The following DYNC2I1 variants were observed in gnomAD, a reference collection of about 807,000 sequenced individuals.
DYNC2I1 encodes cytoplasmic dynein 2 intermediate chain 1.
A neutral mutation model predicts 133.4 loss-of-function variants in DYNC2I1; 89 were observed. The observed-to-expected ratio is 0.67, with a 90% CI of 0.56 to 0.80. The LOEUF (loss-of-function observed/expected upper bound fraction) is 0.80, where lower values mean the gene tolerates loss of function less well. DYNC2I1 is among the 30% of genes least tolerant of loss of function. The pLI, the probability that DYNC2I1 is intolerant of heterozygous loss-of-function variation, is 0.00. For synonymous variants in DYNC2I1, 504 were observed against 484.3 expected, an observed-to-expected ratio of 1.04 and a Z score of -0.54; for missense variants, 1,291 against 1,314.5, an observed-to-expected ratio of 0.98 and a Z score of 0.28.
At position 158,865,085 on chromosome 7, in the gene DYNC2I1, G is replaced by A. The variant is rs114154061; in HGVS notation, c.16-4770G>A. 4.1e-3 allele frequency among the ~76,000 whole-genome samples: 622 copies of A among 152,276 alleles called. 10 individuals are homozygous for A. Among genetic ancestry groups the A allele is most frequent in the African/African-American group, 0.014 (568 of 41,520 alleles). ...GAAGCCCTCACACCCACTCGTAGTG[G>A]GGGTCGGACAAGATGGCACAGGGGT... is the stretch of plus-strand genomic sequence containing the variant. On this transcript the variant is annotated intron_variant, in intron 1 of 24. Transcript: ENST00000407559.
At chr7:158,938,735 GAC>G (rs1314290142) in intron 23 of DYNC2I1, among the ~76,000 whole-genome samples, 1 of 151,994 alleles carries the variant, frequency 6.6e-6, no homozygotes, top group Non-Finnish European at 1.5e-5. Flanking sequence ...CAGTCTGGGT[GAC>G]AGAGTGAAAC....
rs1259230058 is a variant in DYNC2I1, at chr7:158,896,985, C to CTT, written c.1060-4739_1060-4738dup. Among the ~76,000 whole-genome samples, 386 of 131,202 alleles carry CTT rather than the reference C, an allele frequency of 2.9e-3. 2 individuals carry two copies. Among genetic ancestry groups the CTT allele is most frequent in the African/African-American group, 9.7e-3 (343 of 35,364 alleles). The allele number at this position is 131,202 out of a possible 152,430, so 86.1% of individuals were successfully genotyped here. A position where few individuals can be genotyped will look rare whatever the true frequency, so the allele number is the denominator to read the frequency against. ...GAGAGTGTAAAGAATTGTATAATTT[C>CTT]TTTTTTTTTTTTTTTTGAGACAGAG... On this transcript the variant is annotated intron_variant, in intron 8 of 24. Transcript: ENST00000407559.
At chr7:158,870,751 T>G (rs1419400410) in intron 2 of DYNC2I1, among the ~76,000 whole-genome samples, 1 of 152,184 alleles carries the variant, frequency 6.6e-6, no homozygotes, top group Non-Finnish European at 1.5e-5. Context: ...GCATATCTTG[T>G]GGAGTGGTGA....
intron 17 of DYNC2I1, among the ~76,000 whole-genome samples, chr7:158,925,360 C>G (rs1004506231): frequency 9.2e-5 from 14 of 152,126 alleles, no homozygotes; most frequent in African/African-American, 3.4e-4. Flanking sequence ...ATTTCTGATT[C>G]CCGGTGTTTT....
intron 19 of DYNC2I1, 89 bp downstream of exon 19, chr7:158,926,552 C>G (rs1199668376): frequency 7.1e-7 from 1 of 1,413,778 alleles, no homozygotes; most frequent in Non-Finnish European, 9.8e-7. Context: ...GGGGCGGGAC[C>G]CAGTTAGCTG....
rs1216729521 is a variant in DYNC2I1, at chr7:158,871,656, C to G, written c.490+94C>G. 6.8e-6 allele frequency: 9 copies of G among 1,325,068 alleles called. No homozygotes were observed. In the East Asian group the frequency reaches 2.3e-4, roughly 33 times the overall value. 82.1% of individuals were successfully genotyped at this position (1,325,068 alleles called of 1,614,324 possible). A position where few individuals can be genotyped will look rare whatever the true frequency, so the allele number is the denominator to read the frequency against. ...GCTCGCTGCCTCCCCTCCCTCTCTC[C>G]CCCGCTTCCCTCCTTCCCCTTTCCT... On this transcript the variant is annotated intron_variant, in intron 3 of 24. Transcript: ENST00000407559.
chr7:158,945,689 G>A lies in DYNC2I1; in HGVS notation c.3111G>A (p.Arg1037=), dbSNP rs752784397. The change falls in exon 25 of 25, where the codon AGG becomes AGA. Residue 1037 remains arginine (R), a synonymous_variant. Transcript: ENST00000407559. The surrounding 1 kb of genome is among the most constrained non-coding windows in gnomAD (Gnocchi z 4.1). The part of the protein sequence containing the change: ...SGSIDIQHLK[R]RWAAPEVDEC... Reference sequence around the variant, plus strand: ...CCATCGACATCCAGCACCTGAAGAGGCGGTGGGCGGCCCCGGAGGTGGACG... The same window carrying A: ...CCATCGACATCCAGCACCTGAAGAGACGGTGGGCGGCCCCGGAGGTGGACG... 1.9e-6 allele frequency: 3 copies of A among 1,612,462 alleles called. No individual in the cohort carries two copies. The highest frequency in any genetic ancestry group is 2.2e-5 in the South Asian group (2 of 90,662).
chr7:158,938,831 CAAAA>C (rs1851041543), intron 23 of DYNC2I1, among the ~76,000 whole-genome samples: 1 of 151,870 alleles, frequency 6.6e-6, no homozygotes, highest in South Asian at 2.1e-4. Context: ...CACGCAAAAA[CAAAA>C]AACTTATCAA....
chr7:158,910,991 G>A (rs1489978995), intron 11 of DYNC2I1, among the ~76,000 whole-genome samples: 3 of 140,744 alleles, frequency 2.1e-5, no homozygotes, highest in Admixed American at 7.0e-5. Flanking sequence ...GGAGGAGCGC[G>A]AATGGCTGTT....
At chr7:158,918,532 G>T (rs1429422431) in intron 14 of DYNC2I1, among the ~76,000 whole-genome samples, 3 of 152,162 alleles carry the variant, frequency 2.0e-5, no homozygotes, top group Admixed American at 1.3e-4. Context: ...GGCAAATGAT[G>T]ATTCTCCTGT....
intron 11 of DYNC2I1, among the ~76,000 whole-genome samples, chr7:158,908,016 T>G (rs1444168175): frequency 6.6e-6 from 1 of 151,882 alleles, no homozygotes; most frequent in Non-Finnish European, 1.5e-5. Flanking sequence ...ATCAAAAATT[T>G]TATTAAATAT....
At chr7:158,856,377 C>A (rs561022221), upstream of DYNC2I1, among the ~76,000 whole-genome samples, 1 of 152,380 alleles carries the variant, frequency 6.6e-6, no homozygotes, top group East Asian at 1.9e-4. Context: ...GGTACTGCAC[C>A]TACCCCTTGG....
intron 7 of DYNC2I1, among the ~76,000 whole-genome samples, chr7:158,888,114 T>C (rs111660810): frequency 0.01 from 1,362 of 132,460 alleles, 10 homozygotes; most frequent in African/African-American, 0.035. Flanking sequence ...AACCTCCGCC[T>C]CCCGGGTTCA....
At chr7:158,900,689 T>C (rs928840544) in intron 8 of DYNC2I1, among the ~76,000 whole-genome samples, 2 of 151,756 alleles carry the variant, frequency 1.3e-5, no homozygotes, top group Non-Finnish European at 2.9e-5. Flanking sequence ...TACATGTGAA[T>C]ACCTTTTGCA....
intron 20 of DYNC2I1, among the ~76,000 whole-genome samples, chr7:158,929,112 AC>A (rs1849930320): frequency 6.6e-6 from 1 of 152,230 alleles, no homozygotes; most frequent in South Asian, 2.1e-4. Context: ...TGAACCACTT[AC>A]CCAAATTGCA....
chr7:158,941,803 G>A (rs1004954405), intron 23 of DYNC2I1, 122 bp from the exon 24 acceptor site: 27 of 1,118,122 alleles, frequency 2.4e-5, no homozygotes, highest in Middle Eastern at 2.0e-4. Flanking sequence ...GATTGAGCCC[G>A]GGAGGTCAAG....
chr7:158,918,160 A>G (rs1339445676), intron 14 of DYNC2I1, among the ~76,000 whole-genome samples: 1 of 152,012 alleles, frequency 6.6e-6, no homozygotes, highest in Non-Finnish European at 1.5e-5. Context: ...CCTGGCCTCC[A>G]TTCTCACTAC....
chr7:158,896,860 T>C (rs1399814151), intron 8 of DYNC2I1, among the ~76,000 whole-genome samples: 3 of 131,416 alleles, frequency 2.3e-5, no homozygotes, highest in African/African-American at 9.5e-5. Flanking sequence ...ATGATATTGG[T>C]CTGTAGTTTT....
intron 5 of DYNC2I1, among the ~76,000 whole-genome samples, chr7:158,884,134 TC>T (rs1844358748): frequency 6.7e-6 from 1 of 149,814 alleles, no homozygotes; most frequent in Admixed American, 6.7e-5. Flanking sequence ...AAGCTCCGCC[TC>T]CCGGGTTCAC....
Sources: gnomAD v4.1 joint callset for allele counts (sites outside exome capture counted in the v4.1 genomes callset) on GRCh38, gnomAD v4.1.1 for gene constraint, Gnocchi (gnomAD v3.1) non-coding constraint, MANE v1.5 for transcripts, NCBI Gene and HGNC (gene_info 2026-07-23, HGNC 2026-07-21) for gene names.